The following RALGPS1 variants were observed in gnomAD, a reference collection of about 807,000 sequenced individuals.
RALGPS1 encodes Ral GEF with PH domain and SH3 binding motif 1, also known as ras-specific guanine nucleotide-releasing factor RalGPS1.
In RALGPS1, 19 loss-of-function variants were observed where a neutral mutation model predicts 78.8. That is an observed-to-expected ratio of 0.24 (90% CI 0.17 to 0.35). The LOEUF is 0.35. Ranked by LOEUF, RALGPS1 falls within the 10% of genes least tolerant of loss-of-function variation. The probability of loss-of-function intolerance (pLI) is 1.00; values close to 1 mark genes in which losing one functional copy is unlikely to be tolerated. For synonymous variants in RALGPS1, 228 were observed against 256.3 expected (o/e 0.89, Z 1.06); for missense variants, 454 against 688.3 (o/e 0.66, Z 3.81).
At chr9:127,027,883 C>T (rs146285286) in intron 4 of RALGPS1, among the ~76,000 whole-genome samples, 116 of 152,332 alleles carry the variant, frequency 7.6e-4, no homozygotes, top group Non-Finnish European at 1.3e-3. Context: ...CTCTGAGCCT[C>T]ATAGTCTCAT....
In RALGPS1 at chr9:126,924,933, C is replaced by T. The variant is rs1238595750; in HGVS notation, c.-66+9958C>T. 2.6e-5 allele frequency among the ~76,000 whole-genome samples: 4 copies of T among 151,746 alleles called. No individual in the cohort carries two copies. In the East Asian group the frequency reaches 7.9e-4, roughly 30 times the overall value. ...CTGAGGTCGGGAGTTCAAGACTAGCCTGACCAACGTGGAGAAACCCCGTCT... is the reference window on the plus strand; with the variant it reads ...CTGAGGTCGGGAGTTCAAGACTAGCTTGACCAACGTGGAGAAACCCCGTCT... On this transcript the variant is annotated intron_variant, in intron 1 of 18. Coordinates refer to ENST00000259351, the MANE Select transcript of RALGPS1 (RefSeq NM_014636.3).
intron 8 of RALGPS1, among the ~76,000 whole-genome samples, chr9:127,162,392 G>C (rs141388256): frequency 6.6e-6 from 1 of 152,210 alleles, no homozygotes; most frequent in Non-Finnish European, 1.5e-5. Context: ...TATAGTTTAG[G>C]CTTATACATA....
At chr9:127,023,723 A>G (rs2045688174) in intron 4 of RALGPS1, among the ~76,000 whole-genome samples, 1 of 152,086 alleles carries the variant, frequency 6.6e-6, no homozygotes, top group South Asian at 2.1e-4. Context: ...TGATTTTCAC[A>G]TGATTACTCC....
Position 127,183,514 on chromosome 9 carries a change from C to T in RALGPS1, c.910+8732C>T, listed in dbSNP as rs1010172012. Among the ~76,000 whole-genome samples the T allele has an allele frequency of 2.0e-5, 3 of 152,170 alleles. No homozygotes were observed. Among genetic ancestry groups the T allele is most frequent in the Non-Finnish European group, 4.4e-5 (3 of 68,040 alleles). On this transcript the variant is annotated intron_variant, in intron 11 of 18. Coordinates refer to ENST00000259351, the MANE Select transcript of RALGPS1 (RefSeq NM_014636.3). The surrounding 1 kb of genome is among the most constrained non-coding windows in gnomAD (Gnocchi z 4.0). ...GTCCTCATTCTAACAGACCTGTGAG[C>T]ACAACAGACCTGCCTGTGGCCACCG...
At chr9:127,071,560 A>T (rs116838289) in intron 8 of RALGPS1, among the ~76,000 whole-genome samples, 219 of 152,228 alleles carry the variant, frequency 1.4e-3, no homozygotes, top group African/African-American at 4.6e-3. Context: ...TCTGTTAACT[A>T]CTAGAGTTGA....
chr9:126,918,285 C>A (rs958136825), intron 1 of RALGPS1, among the ~76,000 whole-genome samples: 1 of 152,128 alleles, frequency 6.6e-6, no homozygotes, highest in African/African-American at 2.4e-5. Context: ...TGCAATCGTA[C>A]GTATGTAAGC....
intron 8 of RALGPS1, among the ~76,000 whole-genome samples, chr9:127,140,763 A>G (rs2057717581): frequency 6.6e-6 from 1 of 152,192 alleles, no homozygotes; most frequent in South Asian, 2.1e-4. Context: ...TCTGGTAGAG[A>G]CATTTAAGAT....
At chr9:127,052,802 G>A in intron 6 of RALGPS1, 45 bp from the exon 7 acceptor site, 1 of 1,281,112 alleles carries the variant, frequency 7.8e-7, no homozygotes, top group Non-Finnish European at 1.1e-6. Flanking sequence ...TTTTTGTTCT[G>A]TTGTTTATAG....
intron 11 of RALGPS1, among the ~76,000 whole-genome samples, chr9:127,188,774 T>A (rs1384407652): frequency 7.0e-6 from 1 of 141,974 alleles, no homozygotes; most frequent in Non-Finnish European, 1.5e-5. Flanking sequence ...GAGACCAGCC[T>A]GGCCAACATG....
chr9:127,043,236 T>C (rs1018045603), intron 5 of RALGPS1, among the ~76,000 whole-genome samples: 1 of 152,216 alleles, frequency 6.6e-6, no homozygotes, highest in Non-Finnish European at 1.5e-5. Context: ...GCTACAGTTA[T>C]CAAGACAGCA....
chr9:126,922,449 G>A (rs1468842941), intron 1 of RALGPS1, among the ~76,000 whole-genome samples: 1 of 152,198 alleles, frequency 6.6e-6, no homozygotes, highest in Admixed American at 6.5e-5. Flanking sequence ...GGCAAGGGAA[G>A]TTTGTGCTTT....
chr9:127,167,276 G>A (rs1354468342), intron 9 of RALGPS1, among the ~76,000 whole-genome samples: 2 of 152,196 alleles, frequency 1.3e-5, no homozygotes, highest in Non-Finnish European at 2.9e-5. Flanking sequence ...GCAGGGTGGG[G>A]GTTCCCACAC....
chr9:127,193,919 C>T (rs2061213772), intron 11 of RALGPS1, among the ~76,000 whole-genome samples: 1 of 152,212 alleles, frequency 6.6e-6, no homozygotes, highest in African/African-American at 2.4e-5. Context: ...CCTTAAAGAC[C>T]TCCCTTCCCA....
intron 3 of RALGPS1, among the ~76,000 whole-genome samples, chr9:126,972,878 A>G (rs147634965): frequency 7.2e-5 from 11 of 152,250 alleles, no homozygotes; most frequent in African/African-American, 2.6e-4. Context: ...CCTGGCCAAT[A>G]TGGTGAAACC....
intron 7 of RALGPS1, among the ~76,000 whole-genome samples, chr9:127,068,145 T>C (rs922993632): frequency 9.9e-5 from 15 of 152,254 alleles, no homozygotes; most frequent in African/African-American, 3.6e-4. Flanking sequence ...TTTGCTTAAC[T>C]AAGTTGCCCC....
intron 4 of RALGPS1, among the ~76,000 whole-genome samples, chr9:127,026,532 C>T (rs1042845819): frequency 3.3e-5 from 5 of 152,254 alleles, no homozygotes; most frequent in African/African-American, 1.2e-4. Context: ...TTTTCTATCA[C>T]ATATTTGTTT....
intron 8 of RALGPS1, among the ~76,000 whole-genome samples, chr9:127,149,288 A>C (rs2058284208): frequency 6.6e-6 from 1 of 152,268 alleles, no homozygotes; most frequent in Admixed American, 6.5e-5. Context: ...CTGGTGTCTT[A>C]TTGTTGTCTT....
intron 8 of RALGPS1, among the ~76,000 whole-genome samples, chr9:127,160,630 G>C (rs1251758917): frequency 6.6e-6 from 1 of 152,170 alleles, no homozygotes; most frequent in Admixed American, 6.5e-5. Context: ...GGGATTGGGG[G>C]AAGACAGGCC....
intron 4 of RALGPS1, among the ~76,000 whole-genome samples, chr9:126,995,470 A>G (rs2042657331): frequency 6.6e-6 from 1 of 152,254 alleles, no homozygotes; most frequent in South Asian, 2.1e-4. Context: ...CAATTCAACA[A>G]GAAGAGCTAA....
Sources: gnomAD v4.1 joint callset for allele counts (sites outside exome capture counted in the v4.1 genomes callset) on GRCh38, gnomAD v4.1.1 for gene constraint, Gnocchi (gnomAD v3.1) non-coding constraint, MANE v1.5 for transcripts, NCBI Gene and HGNC (gene_info 2026-07-23, HGNC 2026-07-21) for gene names.